HERC4: variants seen among roughly 807,000 people sequenced by gnomAD.
HERC4 encodes HECT and RLD domain containing E3 ubiquitin protein ligase 4, also known as probable E3 ubiquitin-protein ligase HERC4.
A neutral mutation model predicts 124.3 loss-of-function variants in HERC4; 28 were observed. The ratio of observed to expected loss-of-function variants is 0.23; its 90% CI spans 0.17 to 0.31. The LOEUF (loss-of-function observed/expected upper bound fraction) is 0.31. Among genes scored for constraint, HERC4 ranks in the 10% least tolerant of loss-of-function variants. HERC4 has a pLI of 1.00. For missense variants in HERC4, 713 were observed against 1,229.3 expected (o/e 0.58, Z 6.28); for synonymous variants, 407 against 421.5 (o/e 0.97, Z 0.42).
chr10:67,952,183 C>T (rs2033838968), intron 19 of HERC4, among the ~76,000 whole-genome samples: 1 of 152,226 alleles, frequency 6.6e-6, no homozygotes, highest in South Asian at 2.1e-4. Context: ...TAATCCCTCA[C>T]TATAATAACT....
At chr10:67,939,527 C>G (rs2032687314) in intron 21 of HERC4, 61 bp downstream of exon 21, 1 of 1,153,272 alleles carries the variant, frequency 8.7e-7, no homozygotes, top group Non-Finnish European at 1.3e-6. Flanking sequence ...AACCCTAAGA[C>G]ACGGCTGTTA....
At chr10:67,998,204 ATTTT>A (rs965490093) in intron 9 of HERC4, among the ~76,000 whole-genome samples, 1 of 151,500 alleles carries the variant, frequency 6.6e-6, no homozygotes, top group African/African-American at 2.4e-5. Context: ...GCTGGAAAAT[ATTTT>A]TTTAAGAAAC....
chr10:67,943,199 G>C (rs2033059153), intron 19 of HERC4, among the ~76,000 whole-genome samples: 1 of 152,082 alleles, frequency 6.6e-6, no homozygotes, highest in Non-Finnish European at 1.5e-5. Context: ...TAATCTTTCT[G>C]TGCTGTTATG....
At chr10:68,001,177 C>T (rs1220865937) in intron 9 of HERC4, among the ~76,000 whole-genome samples, 1 of 151,984 alleles carries the variant, frequency 6.6e-6, no homozygotes, top group Non-Finnish European at 1.5e-5. Context: ...TCAACACTAG[C>T]CTGGGCAACA....
intron 3 of HERC4, among the ~76,000 whole-genome samples, chr10:68,063,094 A>G (rs1019539592): frequency 6.6e-6 from 1 of 151,984 alleles, no homozygotes; most frequent in Non-Finnish European, 1.5e-5. Context: ...TGTAACACTT[A>G]GCATATTTTA....
At chr10:67,984,547 T>TA (rs1386071135) in intron 15 of HERC4, among the ~76,000 whole-genome samples, 2 of 151,678 alleles carry the variant, frequency 1.3e-5, no homozygotes, top group African/African-American at 4.8e-5. Flanking sequence ...GGCTAATAGA[T>TA]AAAAATAAAA....
intron 3 of HERC4, among the ~76,000 whole-genome samples, chr10:68,049,338 A>G (rs1038819619): frequency 5.3e-5 from 8 of 152,094 alleles, no homozygotes; most frequent in Non-Finnish European, 1.0e-4. Flanking sequence ...ACATATTCAT[A>G]TTTGCTAATA....
At chr10:68,039,629 C>T in intron 4 of HERC4, 1 of 1,375,522 alleles carries the variant, frequency 7.3e-7, no homozygotes, top group South Asian at 1.9e-5. Flanking sequence ...TAGCAGAATC[C>T]AACAAATTAG....
Position 68,014,033 on chromosome 10 carries a change from T to C in HERC4, c.1062A>G (p.Pro354=). ...NWYPYNGQCL[P]DIDSEEYFCV... is the part of the protein sequence containing the mutation. The stretch of plus-strand genomic sequence containing the variant: ...TAATATGACAGAACTTACCAATATC[T>C]GGTAGACACTGCCCATTATAGGGGT... Residue 354 remains proline, a synonymous_variant, in exon 9 of 25, where the codon CCA becomes CCG. Transcript: ENST00000373700. The C allele has an allele frequency of 2.5e-6, 4 of 1,600,220 alleles. No homozygotes were observed. Among genetic ancestry groups the C allele is most frequent in the Non-Finnish European group, 2.6e-6 (3 of 1,175,574 alleles).
At chr10:68,062,412 T>C (rs373536354) in intron 3 of HERC4, among the ~76,000 whole-genome samples, 34 of 152,268 alleles carry the variant, frequency 2.2e-4, no homozygotes, top group African/African-American at 7.9e-4. Flanking sequence ...TGTCCATTCT[T>C]TCTGCCTCTC....
intron 22 of HERC4, among the ~76,000 whole-genome samples, chr10:67,933,592 T>C (rs751292742): frequency 1.6e-4 from 25 of 152,178 alleles, no homozygotes; most frequent in Non-Finnish European, 2.9e-4. Flanking sequence ...TAATGGTAAG[T>C]TGCCTTTCAG....
rs1023810884 is a variant in HERC4 at position 67,975,512 on chromosome 10, G to C, written c.1807-8710C>G. Among the ~76,000 whole-genome samples, 15 of 152,128 alleles carry C rather than the reference G, an allele frequency of 9.9e-5. No individual in the cohort carries two copies. In the East Asian group the frequency reaches 1.2e-3, roughly 12 times the overall value. Reference sequence around the variant, plus strand: ...TTACAGGTGCCCACCACCATGCCCAGCTAATTTTTTGTATTTTTGTAGAGA... The same window carrying C: ...TTACAGGTGCCCACCACCATGCCCACCTAATTTTTTGTATTTTTGTAGAGA... On this transcript the variant is annotated intron_variant, in intron 15 of 24. Coordinates refer to ENST00000373700, the MANE Select transcript of HERC4 (RefSeq NM_015601.4).
chr10:67,927,971 G>A (rs756293145), intron 23 of HERC4, among the ~76,000 whole-genome samples: 1 of 152,272 alleles, frequency 6.6e-6, no homozygotes, highest in Non-Finnish European at 1.5e-5. Flanking sequence ...CAGGATACGT[G>A]TGCAGGAGAG....
chr10:67,946,200 A>T (rs2033312958), intron 19 of HERC4, among the ~76,000 whole-genome samples: 1 of 151,890 alleles, frequency 6.6e-6, no homozygotes, highest in Middle Eastern at 3.4e-3. Context: ...GTGAGTTGTG[A>T]TCACACCACT....
chr10:67,936,348 T>C (rs541920084), intron 21 of HERC4, 113 bp from the exon 22 acceptor site: 2 of 537,312 alleles, frequency 3.7e-6, no homozygotes, highest in South Asian at 3.5e-5. Context: ...AAATTTGAGA[T>C]AAAATTCTGC....
At chr10:68,038,864 C>T (rs369738433) in intron 4 of HERC4, among the ~76,000 whole-genome samples, 6 of 152,086 alleles carry the variant, frequency 3.9e-5, no homozygotes, top group African/African-American at 1.2e-4. Context: ...TTTACCACAA[C>T]GCAACTTTAA....
At chr10:68,010,736 G>T (rs1445833427) in intron 9 of HERC4, 3 of 1,489,140 alleles carry the variant, frequency 2.0e-6, no homozygotes, top group Non-Finnish European at 2.8e-6. Context: ...GCAGATGGTC[G>T]TTTGGCTGAA....
intron 15 of HERC4, among the ~76,000 whole-genome samples, chr10:67,984,925 T>A (rs1411027664): frequency 6.6e-6 from 1 of 151,910 alleles, no homozygotes; most frequent in African/African-American, 2.4e-5. Flanking sequence ...ATGTACCCCA[T>A]AAAGATATAC....
rs2030251726 is a variant in HERC4 at position 67,921,937 on chromosome 10, C to CA, written c.*993dup. 6.6e-6 allele frequency: 1 copy of CA among 152,032 alleles called. No individual in the cohort carries two copies. Among genetic ancestry groups the CA allele is most frequent in the African/African-American group, 2.4e-5 (1 of 41,398 alleles). 9.4% of individuals were successfully genotyped at this position (152,032 alleles called of 1,614,324 possible). The stretch of plus-strand genomic sequence containing the variant: ...ATTAAAACAATAAATCTTTATTAAA[C>CA]AGTTTTCACGGCATTTTAAAATAAA... On this transcript the variant is annotated 3_prime_UTR_variant, in exon 25 of 25. Coordinates refer to ENST00000373700, the MANE Select transcript of HERC4 (RefSeq NM_015601.4).
Sources: gnomAD v4.1 joint callset for allele counts (sites outside exome capture counted in the v4.1 genomes callset) on GRCh38, gnomAD v4.1.1 for gene constraint, MANE v1.5 for transcripts, NCBI Gene and HGNC (gene_info 2026-07-23, HGNC 2026-07-21) for gene names.